Variants in ACOT9 observed in about 807,000 individuals in gnomAD.
ACOT9 encodes the protein acyl-CoA thioesterase 9.
ACOT9 carries 34 observed loss-of-function variants against 39.7 expected under a neutral mutation model. The observed-to-expected ratio is 0.86, with a 90% CI of 0.65 to 1.14. The LOEUF (loss-of-function observed/expected upper bound fraction) is 1.14, where lower values mean the gene tolerates loss of function less well. Ranked by LOEUF, ACOT9 falls within the 50% of genes most tolerant of loss-of-function variation. The probability of loss-of-function intolerance (pLI) is 0.00; values close to 1 mark genes in which losing one functional copy is unlikely to be tolerated. For missense variants in ACOT9, 313 were observed against 344.1 expected (o/e 0.91, Z 0.71); for synonymous variants, 110 against 120.5 (o/e 0.91, Z 0.57).
intron 7 of ACOT9, 26 bp from the exon 8 acceptor site, chrX:23,722,010 C>A: frequency 1.9e-6 from 2 of 1,049,905 alleles, no homozygotes; most frequent in Non-Finnish European, 2.6e-6. Flanking sequence ...CAATCAGGGT[C>A]CAAGTCATAC....
intron 1 of ACOT9, among the ~76,000 whole-genome samples, chrX:23,741,768 G>A (rs1414110237): frequency 5.8e-5 from 5 of 86,108 alleles, no homozygotes; most frequent in South Asian, 6.4e-4. Flanking sequence ...TCTGCCTTCC[G>A]GTTCAGGCGA....
In ACOT9 at chrX:23,705,011, C is replaced by T. The variant is rs1601802000; in HGVS notation, c.1089G>A (p.Leu363=). ...MFQKPVEVGS[L]LFLSSQVCFT... ...CACCTACCTGTGAAGAAAGAAAGAG[C>T]AATGAGCCAACCTCAACAGGTTTCT... is the stretch of plus-strand genomic sequence containing the variant. The change falls in exon 14 of 16, where the codon TTG becomes TTA. Residue 363 remains leucine (L), a synonymous_variant. Transcript: ENST00000379303. The T allele has an allele frequency of 1.7e-6, 2 of 1,210,837 alleles. No homozygotes were observed. The highest frequency in any genetic ancestry group is 1.1e-6 in the Non-Finnish European group (1 of 895,044).
At chrX:23,721,192 G>A (rs1304394418) in intron 8 of ACOT9, among the ~76,000 whole-genome samples, 1 of 111,033 alleles carries the variant, frequency 9.0e-6, no homozygotes, top group Non-Finnish European at 1.9e-5. Flanking sequence ...CTGGGTTCAA[G>A]CGGTTCCCAA....
chrX:23,720,776 C>T (rs143675206), intron 8 of ACOT9, among the ~76,000 whole-genome samples: 1,204 of 110,970 alleles, frequency 0.011, 16 homozygotes, highest in African/African-American at 0.037. Flanking sequence ...TTGGAATCCA[C>T]GCAGGATTGG....
At chrX:23,742,213 T>TAGAGA (rs1920974640) in intron 1 of ACOT9, among the ~76,000 whole-genome samples, 1 of 68,910 alleles carries the variant, frequency 1.5e-5, no homozygotes, top group Non-Finnish European at 2.5e-5. Context: ...AGTGAGTGAG[T>TAGAGA]GAGAGAGAGA....
In ACOT9 at chrX:23,733,191, C is replaced by G; in HGVS notation, c.172G>C (p.Gly58Arg). The G allele has an allele frequency of 8.3e-7, 1 of 1,209,122 alleles. No individual in the cohort carries two copies. Among genetic ancestry groups the G allele is most frequent in the Non-Finnish European group, 1.1e-6 (1 of 893,692 alleles). Reference protein sequence around the residue: ...HVRDKLREIVGASTNWRDHVK... With the variant: ...HVRDKLREIVRASTNWRDHVK... The stretch of plus-strand genomic sequence containing the variant: ...GCATACCTCCAGTTTGTGGATGCTC[C>G]TACTATCTCCCGCAACTTATCTCGA... Residue 58 changes from glycine (G) to arginine (R), a missense_variant, in exon 4 of 16, where the codon GGA (glycine) becomes CGA (arginine). Physicochemically the swap from Gly to Arg is moderately radical, Grantham distance 125. Transcript: ENST00000379303.
chrX:23,743,151 A>G lies in ACOT9; in HGVS notation c.-7T>C. The stretch of plus-strand genomic sequence containing the variant: ...GCAGTGCTGCCCGCCTCATTGCGCT[A>G]GGCTGCCGTGCGCGCGATGGAGAAC... On this transcript the variant is annotated 5_prime_UTR_variant, in exon 1 of 16. Transcript: ENST00000379303. 1 of 1,156,292 alleles carries G rather than the reference A, an allele frequency of 8.6e-7. No individual in the cohort carries two copies. The highest frequency in any genetic ancestry group is 1.2e-6 in the Non-Finnish European group (1 of 866,717).
chrX:23,733,040 G>T, intron 4 of ACOT9, 132 bp downstream of exon 4: 1 of 538,271 alleles, frequency 1.9e-6, no homozygotes, highest in East Asian at 3.7e-5. Context: ...TCTCCCCCAA[G>T]CAAAATACTT....
In ACOT9 at chrX:23,730,551, G is replaced by A; in HGVS notation, c.376C>T (p.Leu126Phe). ...CCTCCCAAGCTGTCAAGATCCTCAA[G>A]AATCCTGCCAAATCTGTGAAATAAA... ...VQNTVRFGRI[L>F]EDLDSLGVLI... Residue 126 changes from leucine (L) to phenylalanine (F), a missense_variant, in exon 6 of 16, where the codon CTT becomes TTT. Physicochemically the swap from Leu to Phe is conservative, Grantham distance 22. Coordinates refer to ENST00000379303, the MANE Select transcript of ACOT9 (RefSeq NM_001037171.2). The A allele has an allele frequency of 1.7e-6, 2 of 1,208,021 alleles. No homozygotes were observed. Among genetic ancestry groups the A allele is most frequent in the Non-Finnish European group, 2.2e-6 (2 of 892,419 alleles).
intron 6 of ACOT9, among the ~76,000 whole-genome samples, chrX:23,726,960 C>T (rs1929549579): frequency 1.0e-5 from 1 of 99,363 alleles, no homozygotes; most frequent in African/African-American, 3.9e-5. Flanking sequence ...GCTGGGATTA[C>T]AGGCACGCAC....
intron 6 of ACOT9, among the ~76,000 whole-genome samples, chrX:23,727,545 A>G (rs1272501065): frequency 9.2e-6 from 1 of 109,265 alleles, no homozygotes; most frequent in African/African-American, 3.3e-5. Flanking sequence ...GGCTGGTCTC[A>G]AAGTCTTGGC....
chrX:23,706,702 C>G lies in ACOT9; in HGVS notation c.768G>C (p.Ser256=), dbSNP rs1245507002. Reference sequence around the variant, plus strand: ...CAGCGCTGGGGGCCATTTTCAGTAACGACGTGGAGCTGAAGGCAATTCTTC... The same window carrying G: ...CAGCGCTGGGGGCCATTTTCAGTAAGGACGTGGAGCTGAAGGCAATTCTTC... ...KGRRIAFSST[S]LLKMAPSAEE... Residue 256 remains serine (S), a synonymous_variant, in exon 11 of 16, where the codon TCG becomes TCC. Coordinates refer to ENST00000379303, the MANE Select transcript of ACOT9 (RefSeq NM_001037171.2). The G allele has an allele frequency of 8.3e-7, 1 of 1,202,796 alleles. No individual in the cohort carries two copies. Among genetic ancestry groups the G allele is most frequent in the East Asian group, 3.0e-5 (1 of 33,663 alleles).
At chrX:23,724,273 A>G (rs1269973596) in intron 6 of ACOT9, among the ~76,000 whole-genome samples, 1 of 111,452 alleles carries the variant, frequency 9.0e-6, no homozygotes, top group African/African-American at 3.3e-5. Flanking sequence ...AAATAAAAAG[A>G]GAATATAGGA....
At chrX:23,705,407 AAC>A in intron 13 of ACOT9, 100 bp downstream of exon 13, 1 of 646,524 alleles carries the variant, frequency 1.5e-6, no homozygotes. Context: ...TCAAAAACAT[AAC>A]ATATTCCCAC....
At chrX:23,721,722 A>G (rs1251275175) in intron 8 of ACOT9, among the ~76,000 whole-genome samples, 159 bp downstream of exon 8, 1 of 112,440 alleles carries the variant, frequency 8.9e-6, no homozygotes, top group Non-Finnish European at 1.9e-5. Flanking sequence ...CAAGGAGGAT[A>G]TTAATAACCC....
chrX:23,710,375 G>C (rs1027964491), intron 9 of ACOT9, among the ~76,000 whole-genome samples: 5 of 111,671 alleles, frequency 4.5e-5, no homozygotes, highest in Non-Finnish European at 9.4e-5. Context: ...GCCTGGGGCA[G>C]GAAATACGTA....
At chrX:23,742,252 G>GAGAT (rs1920980098) in intron 1 of ACOT9, among the ~76,000 whole-genome samples, 1 of 61,796 alleles carries the variant, frequency 1.6e-5, no homozygotes, top group African/African-American at 8.2e-5. Context: ...GAGAGAGAGA[G>GAGAT]AGAGATATCC....
chrX:23,719,046 G>A (rs958866492), intron 8 of ACOT9, among the ~76,000 whole-genome samples: 1 of 111,111 alleles, frequency 9.0e-6, no homozygotes, highest in African/African-American at 3.3e-5. Flanking sequence ...AGGGCGGGTG[G>A]ATGGCTTGAG....
Position 23,701,305 on chromosome X carries a change from T to G in ACOT9, c.*2589A>C, listed in dbSNP as rs1062104. ...ATGCTATATTGAAGGGCCAGGTAAA[T>G]CTCAGTCAGGATGGCATTACGGCAT... On this transcript the variant is annotated 3_prime_UTR_variant, in exon 16 of 16. Coordinates refer to ENST00000379303, the MANE Select transcript of ACOT9 (RefSeq NM_001037171.2). 0.044 allele frequency among the ~76,000 whole-genome samples: 4,917 copies of G among 110,735 alleles called. 292 individuals carry two copies. The highest frequency in any genetic ancestry group is 0.16 in the African/African-American group (4,704 of 30,338).
Sources: gnomAD v4.1 joint callset for allele counts (sites outside exome capture counted in the v4.1 genomes callset) on GRCh38, gnomAD v4.1.1 for gene constraint, MANE v1.5 for transcripts, NCBI Gene and HGNC (gene_info 2026-07-23, HGNC 2026-07-21) for gene names.